The following SNRPA variants were observed in gnomAD, a reference collection of about 807,000 sequenced individuals.
SNRPA encodes the protein small nuclear ribonucleoprotein polypeptide A, also known as U1 small nuclear ribonucleoprotein A.
SNRPA carries 10 observed loss-of-function variants against 24.5 expected under a neutral mutation model. The observed-to-expected ratio is 0.41, with a 90% CI of 0.25 to 0.69. The LOEUF is 0.69. Among genes scored for constraint, SNRPA ranks in the 30% least tolerant of loss-of-function variants. SNRPA has a pLI of 0.33. For synonymous variants in SNRPA, 165 were observed against 148.4 expected (o/e 1.11, Z -0.81); for missense variants, 283 against 394.7 (o/e 0.72, Z 2.40).
chr19:40,757,583 G>T, intron 2 of SNRPA, 79 bp downstream of exon 2: 1 of 1,326,640 alleles, frequency 7.5e-7, no homozygotes, highest in Non-Finnish European at 1.0e-6. Flanking sequence ...TAGAGGAGGG[G>T]ATATTACGGT....
chr19:40,751,588 G>T (rs184469096), intron 1 of SNRPA, 107 bp downstream of exon 1: 2 of 843,652 alleles, frequency 2.4e-6, no homozygotes, highest in Non-Finnish European at 4.1e-6. Context: ...GCCAAACTTC[G>T]AGTTAACTCC....
Position 40,765,128 on chromosome 19 carries a change from G to A in SNRPA, c.810G>A (p.Thr270=), listed in dbSNP as rs142921812. 2.4e-5 allele frequency: 38 copies of A among 1,556,874 alleles called. No individual in the cohort carries two copies. In the African/African-American group the frequency reaches 2.9e-4, roughly 12 times the overall value. The change falls in exon 6 of 6, where the codon ACG becomes ACA. Residue 270 remains threonine (T), a synonymous_variant. Transcript: ENST00000243563. ...ARDALQGFKI[T]QNNAMKISFA... is the part of the protein sequence containing the mutation. ...ATGCCCTGCAGGGCTTTAAGATCAC[G>A]CAGAACAACGCCATGAAGATCTCCT...
At chr19:40,761,445 T>TC (rs2082931335) in intron 3 of SNRPA, among the ~76,000 whole-genome samples, 2 of 132,556 alleles carry the variant, frequency 1.5e-5, no homozygotes, top group African/African-American at 5.4e-5. Flanking sequence ...TCTTTTCTTT[T>TC]CTTTTTCTTT....
chr19:40,759,765 G>T (rs1401872025), intron 3 of SNRPA, 155 bp downstream of exon 3: 3 of 636,604 alleles, frequency 4.7e-6, no homozygotes, highest in African/African-American at 3.8e-5. Flanking sequence ...TCTCTTTTGG[G>T]GGGTATTGAG....
intron 1 of SNRPA, among the ~76,000 whole-genome samples, chr19:40,756,297 T>C (rs1406080284): frequency 6.7e-6 from 1 of 150,216 alleles, no homozygotes; most frequent in African/African-American, 2.5e-5. Flanking sequence ...CTTGATGGTA[T>C]CTAGTCAAAT....
Position 40,763,013 on chromosome 19 carries a change from T to C in SNRPA, c.539T>C (p.Ile180Thr). 1 of 1,610,798 alleles carries C rather than the reference T, an allele frequency of 6.2e-7. No homozygotes were observed. The highest frequency in any genetic ancestry group is 8.5e-7 in the Non-Finnish European group (1 of 1,178,406). Reference sequence around the variant, plus strand: ...CCGCCAGGCCTTGCACCTGGCCAGATCCCACCAGGGGCCATGCCCCCGCAG... The same window carrying C: ...CCGCCAGGCCTTGCACCTGGCCAGACCCCACCAGGGGCCATGCCCCCGCAG... ...IPPPGLAPGQ[I>T]PPGAMPPQQL... The change falls in exon 4 of 6, where the codon ATC becomes ACC. Residue 180 changes from isoleucine (I) to threonine (T), a missense_variant. Ile to Thr is a moderately conservative substitution (Grantham distance 89). Transcript: ENST00000243563.
chr19:40,760,062 T>G (rs1333341700), intron 3 of SNRPA, among the ~76,000 whole-genome samples: 3 of 152,220 alleles, frequency 2.0e-5, no homozygotes, highest in African/African-American at 7.2e-5. Flanking sequence ...AGGGTCTCAC[T>G]GTCACCCAGG....
Position 40,751,529 on chromosome 19 carries a change from G to T in SNRPA, c.73+48G>T. On this transcript the variant is annotated intron_variant, in intron 1 of 5. Transcript: ENST00000243563. ...AGTCCAGACTGTCCCGCACGGGCTG[G>T]CCCCTCTTCCGTCCCCTGCACCCGC... is the stretch of plus-strand genomic sequence containing the variant. 1.4e-6 allele frequency: 2 copies of T among 1,389,092 alleles called. 1 individual carries two copies. Among genetic ancestry groups the T allele is most frequent in the South Asian group, 2.3e-5 (2 of 86,438 alleles). 86.0% of individuals were successfully genotyped at this position (1,389,092 alleles called of 1,614,324 possible). A position where few individuals can be genotyped will look rare whatever the true frequency, so the allele number is the denominator to read the frequency against.
At chr19:40,764,477 A>G (rs754568051) in intron 5 of SNRPA, among the ~76,000 whole-genome samples, 14 of 152,176 alleles carry the variant, frequency 9.2e-5, no homozygotes, top group Non-Finnish European at 1.6e-4. Flanking sequence ...TGGCTGCTTA[A>G]TGGAGAAAGA....
intron 1 of SNRPA, 48 bp downstream of exon 1, chr19:40,751,529 GC>G: frequency 7.2e-7 from 1 of 1,389,088 alleles, no homozygotes; most frequent in Non-Finnish European, 1.0e-6. Context: ...GCACGGGCTG[GC>G]CCCTCTTCCG....
chr19:40,754,202 C>T (rs955888373), intron 1 of SNRPA, among the ~76,000 whole-genome samples: 1 of 148,564 alleles, frequency 6.7e-6, no homozygotes, highest in Non-Finnish European at 1.5e-5. Flanking sequence ...CTCCCGAATT[C>T]AAGTGATTCT....
intron 4 of SNRPA, 66 bp from the exon 5 acceptor site, chr19:40,763,521 C>A: frequency 8.5e-7 from 1 of 1,172,330 alleles, no homozygotes; most frequent in Non-Finnish European, 1.3e-6. Flanking sequence ...GAGGAAGTGG[C>A]AGTACTATGG....
chr19:40,757,597 T>G (rs528217214), intron 2 of SNRPA, 93 bp downstream of exon 2: 2 of 1,226,062 alleles, frequency 1.6e-6, no homozygotes, highest in African/African-American at 3.1e-5. Flanking sequence ...TTACGGTTCA[T>G]TTGCCAAGGT....
intron 5 of SNRPA, among the ~76,000 whole-genome samples, chr19:40,764,607 A>G (rs1288079849): frequency 1.3e-5 from 2 of 152,148 alleles, no homozygotes; most frequent in Non-Finnish European, 2.9e-5. Flanking sequence ...CAGGTGGATC[A>G]CTTGAGGTCA....
chr19:40,754,551 T>G lies in SNRPA; in HGVS notation c.74-2781T>G, dbSNP rs181249110. On this transcript the variant is annotated intron_variant, in intron 1 of 5. Transcript: ENST00000243563. ...GGAAAAGGAGACATTTTGGAGAGCC[T>G]GCCAGGTACAGTAAGCAGTATTTAT... 1.9e-3 allele frequency among the ~76,000 whole-genome samples: 287 copies of G among 152,312 alleles called. 1 individual carries two copies. Among genetic ancestry groups the G allele is most frequent in the Non-Finnish European group, 3.4e-3 (232 of 68,032 alleles).
rs1419085501 is a variant in SNRPA, at chr19:40,763,036, C to T, written c.562C>T (p.Gln188Ter). 6.2e-7 allele frequency: 1 copy of T among 1,603,434 alleles called. No individual in the cohort carries two copies. Among genetic ancestry groups the T allele is most frequent in the East Asian group, 2.2e-5 (1 of 44,806 alleles). ...GATCCCACCAGGGGCCATGCCCCCG[C>T]AGCAGCTTATGCCAGGACAGATGCC... ...GQIPPGAMPP[Q>*]QLMPGQMPPA... Residue 188 changes from glutamine (Q) to a stop codon, truncating the protein, a stop_gained, in exon 4 of 6, where the codon CAG becomes TAG. Coordinates refer to ENST00000243563, the MANE Select transcript of SNRPA (RefSeq NM_004596.5). LOFTEE classifies it high-confidence loss of function.
chr19:40,763,476 A>C (rs778560687), intron 4 of SNRPA, 111 bp from the exon 5 acceptor site: 61 of 847,672 alleles, frequency 7.2e-5, no homozygotes, highest in Non-Finnish European at 1.1e-4. Flanking sequence ...TGTTGGGTGG[A>C]AGTACCAGAG....
At chr19:40,754,546 G>T (rs2082900390) in intron 1 of SNRPA, among the ~76,000 whole-genome samples, 1 of 152,170 alleles carries the variant, frequency 6.6e-6, no homozygotes, top group African/African-American at 2.4e-5. Context: ...ACATTTTGGA[G>T]AGCCTGCCAG....
At chr19:40,758,577 G>C (rs1440925045) in intron 2 of SNRPA, among the ~76,000 whole-genome samples, 1 of 152,128 alleles carries the variant, frequency 6.6e-6, no homozygotes, top group Non-Finnish European at 1.5e-5. Flanking sequence ...CTGTGTGTCA[G>C]GTACTGTTCC....
Sources: allele counts gnomAD v4.1 joint callset (sites outside exome capture counted in the v4.1 genomes callset), GRCh38; gene constraint gnomAD v4.1.1; transcripts MANE v1.5; gene names NCBI Gene and HGNC (gene_info 2026-07-23, HGNC 2026-07-21).